Variants in ST3GAL3 observed in about 807,000 individuals in gnomAD.
ST3GAL3 encodes the protein CMP-N-acetylneuraminate-beta-1,4-galactoside alpha-2,3-sialyltransferase.
Under a neutral mutation model 50.1 loss-of-function variants are expected in ST3GAL3, and 21 were observed. The observed-to-expected ratio is 0.42, with a 90% confidence interval of 0.30 to 0.60. The LOEUF (loss-of-function observed/expected upper bound fraction) is 0.60, where lower values mean the gene tolerates loss of function less well. Ranked by LOEUF, ST3GAL3 falls within the 20% of genes least tolerant of loss-of-function variation. ST3GAL3 has a pLI of 0.19. For missense variants in ST3GAL3, 353 were observed against 489.4 expected (o/e 0.72, Z 2.63); for synonymous variants, 183 against 190.0 (o/e 0.96, Z 0.30).
intron 3 of ST3GAL3, chr1:43,801,203 T>C (rs2059276314): frequency 4.4e-6 from 2 of 450,684 alleles, no homozygotes; most frequent in Admixed American, 2.4e-5. Flanking sequence ...TCAATAATGC[T>C]CCTTAAATTG....
chr1:43,711,709 T>C, intron 1 of ST3GAL3, among the ~76,000 whole-genome samples: 1 of 152,222 alleles, frequency 6.6e-6, no homozygotes, highest in South Asian at 2.1e-4. Context: ...GGGCAATCTG[T>C]TACATCCGAG....
At chr1:43,821,712 C>T (rs2062119459) in intron 4 of ST3GAL3, among the ~76,000 whole-genome samples, 1 of 152,138 alleles carries the variant, frequency 6.6e-6, no homozygotes, top group Admixed American at 6.5e-5. Flanking sequence ...ACTCAGGCTG[C>T]TACGTGCAGG....
chr1:43,824,736 C>G, intron 4 of ST3GAL3: 1 of 1,613,962 alleles, frequency 6.2e-7, no homozygotes, highest in Non-Finnish European at 8.5e-7. Context: ...TGCAGCTCAC[C>G]GAGGACTCTC....
At chr1:43,786,841 A>G (rs1047150397) in intron 2 of ST3GAL3, among the ~76,000 whole-genome samples, 1 of 152,032 alleles carries the variant, frequency 6.6e-6, no homozygotes, top group Admixed American at 6.6e-5. Context: ...GTTTAGCTTT[A>G]TATGTATTTT....
chr1:43,725,102 T>C (rs1368666814), intron 1 of ST3GAL3, among the ~76,000 whole-genome samples: 2 of 152,248 alleles, frequency 1.3e-5, no homozygotes, highest in Non-Finnish European at 2.9e-5. Context: ...TGGGATAAGA[T>C]GCATGTATGT....
chr1:43,794,872 C>T (rs1026876605), intron 3 of ST3GAL3, among the ~76,000 whole-genome samples: 1 of 151,802 alleles, frequency 6.6e-6, no homozygotes, highest in Non-Finnish European at 1.5e-5. Flanking sequence ...GAAATTAAAC[C>T]ATATTTGCTT....
chr1:43,840,092 G>C (rs772629360), intron 5 of ST3GAL3: 1 of 150,620 alleles, frequency 6.6e-6, no homozygotes, highest in South Asian at 2.1e-4. Context: ...GCAGTGGTGC[G>C]ATCTTGGCTC....
chr1:43,763,528 C>T (rs368336733), intron 2 of ST3GAL3, among the ~76,000 whole-genome samples: 4 of 152,298 alleles, frequency 2.6e-5, no homozygotes, highest in East Asian at 1.9e-4. Context: ...TCAGCGTTGC[C>T]TTCTGCTGTT....
chr1:43,863,585 T>G (rs1397499422), intron 5 of ST3GAL3, among the ~76,000 whole-genome samples: 2 of 152,220 alleles, frequency 1.3e-5, no homozygotes, highest in Non-Finnish European at 2.9e-5. Flanking sequence ...CAGTTTCTGC[T>G]TCTGCAATTC....
chr1:43,789,011 A>G (rs1179059203), intron 2 of ST3GAL3, among the ~76,000 whole-genome samples: 1 of 151,910 alleles, frequency 6.6e-6, no homozygotes, highest in South Asian at 2.1e-4. Context: ...GAAGGCATGC[A>G]TCTCTTGGGA....
chr1:43,739,423 T>C (rs10749850), intron 2 of ST3GAL3: 107,289 of 151,972 alleles, frequency 0.71, 38,239 homozygotes, highest in African/African-American at 0.73. Context: ...CCACGTTGCC[T>C]AGGCTGGTCT....
At chr1:43,876,299 A>G (rs1043202815) in intron 5 of ST3GAL3, among the ~76,000 whole-genome samples, 11 of 152,044 alleles carry the variant, frequency 7.2e-5, no homozygotes, top group African/African-American at 2.4e-4. Context: ...GACTGAGCCT[A>G]TAGTTGAACA....
At chr1:43,771,765 T>TGTGTGC in intron 2 of ST3GAL3, 1 of 394,742 alleles carries the variant, frequency 2.5e-6, no homozygotes, top group African/African-American at 2.1e-5. Flanking sequence ...TGTGTGTGTG[T>TGTGTGC]GTGTGTATAG....
At chr1:43,765,381 G>T (rs1469614696) in intron 2 of ST3GAL3, among the ~76,000 whole-genome samples, 1 of 152,104 alleles carries the variant, frequency 6.6e-6, no homozygotes, top group South Asian at 2.1e-4. Flanking sequence ...TCCCTGCAGC[G>T]CACGTTCCAC....
intron 3 of ST3GAL3, among the ~76,000 whole-genome samples, chr1:43,813,589 G>A (rs192557448): frequency 6.6e-6 from 1 of 152,284 alleles, no homozygotes; most frequent in African/African-American, 2.4e-5. Context: ...ATTTTAAGAA[G>A]AGGATTTATT....
chr1:43,713,936 A>G (rs1175858187), intron 1 of ST3GAL3, among the ~76,000 whole-genome samples: 9 of 152,096 alleles, frequency 5.9e-5, no homozygotes, highest in Admixed American at 5.9e-4. Flanking sequence ...GGCATAAGGG[A>G]ATTACTCTGA....
intron 9 of ST3GAL3, among the ~76,000 whole-genome samples, chr1:43,905,207 C>A (rs1188750291): frequency 1.7e-5 from 2 of 118,328 alleles, no homozygotes; most frequent in African/African-American, 2.9e-5. Flanking sequence ...CTTCCTCCCC[C>A]TCCTCCTGTT....
intron 9 of ST3GAL3, chr1:43,917,091 C>A (rs1328209100): frequency 6.6e-6 from 1 of 151,878 alleles, no homozygotes; most frequent in Non-Finnish European, 1.5e-5. Flanking sequence ...GCTTTGAGGT[C>A]TTTGACACAT....
At chr1:43,759,305 G>A (rs772747758) in intron 2 of ST3GAL3, among the ~76,000 whole-genome samples, 8 of 152,122 alleles carry the variant, frequency 5.3e-5, no homozygotes, top group Non-Finnish European at 1.0e-4. Context: ...TTAGCTGGGC[G>A]TGGTGGCATG....
Sources: gnomAD v4.1 joint callset for allele counts (sites outside exome capture counted in the v4.1 genomes callset) on GRCh38, gnomAD v4.1.1 for gene constraint, MANE v1.5 for transcripts, NCBI Gene and HGNC (gene_info 2026-07-23, HGNC 2026-07-21) for gene names.